Variants in PDSS2 observed in about 807,000 individuals in gnomAD.
The protein encoded by PDSS2 is decaprenyl diphosphate synthase subunit 2, also known as all trans-polyprenyl-diphosphate synthase PDSS2.
Under a neutral mutation model 44.5 loss-of-function variants are expected in PDSS2, and 31 were observed. That is an observed-to-expected ratio of 0.70 (90% CI 0.52 to 0.94). The LOEUF (loss-of-function observed/expected upper bound fraction) is 0.94. Among genes scored for constraint, PDSS2 ranks in the 40% least tolerant of loss-of-function variants. The pLI is 0.00. For missense variants in PDSS2, 452 were observed against 482.2 expected (o/e 0.94, Z 0.59); for synonymous variants, 157 against 180.3 (o/e 0.87, Z 1.03).
chr6:107,291,978 C>A (rs1305182823), intron 2 of PDSS2, among the ~76,000 whole-genome samples: 1 of 152,158 alleles, frequency 6.6e-6, no homozygotes, highest in African/African-American at 2.4e-5. Context: ...CAGCTCTGAG[C>A]ACACACACTA....
chr6:107,385,739 C>CT (rs908648723), intron 1 of PDSS2, among the ~76,000 whole-genome samples: 51 of 146,012 alleles, frequency 3.5e-4, no homozygotes, highest in South Asian at 1.1e-3. Context: ...TTTTCTCTCT[C>CT]TTTTTTTTTT....
intron 1 of PDSS2, among the ~76,000 whole-genome samples, chr6:107,448,888 G>A (rs1429588061): frequency 2.0e-5 from 3 of 152,198 alleles, no homozygotes; most frequent in African/African-American, 7.2e-5. Flanking sequence ...GGAAATGTGA[G>A]ATGCTTATAA....
At chr6:107,199,536 C>A (rs926139358) in intron 6 of PDSS2, among the ~76,000 whole-genome samples, 1 of 152,192 alleles carries the variant, frequency 6.6e-6, no homozygotes, top group Admixed American at 6.5e-5. Flanking sequence ...CTGGATGCAA[C>A]TGATCCTCCT....
chr6:107,237,282 T>C (rs1774256219), intron 4 of PDSS2, among the ~76,000 whole-genome samples: 1 of 151,922 alleles, frequency 6.6e-6, no homozygotes, highest in South Asian at 2.1e-4. Context: ...TTGCTTTTGT[T>C]GTCCAGACTG....
At chr6:107,237,897 G>GAAAAAAAAAAAA (rs71551306) in intron 4 of PDSS2, among the ~76,000 whole-genome samples, 1 of 80,688 alleles carries the variant, frequency 1.2e-5, no homozygotes, top group Non-Finnish European at 2.5e-5. Context: ...CTCCGTCTCT[G>GAAAAAAAAAAAA]AAAAAAAAAA....
At chr6:107,179,140 G>A (rs1189199941) in intron 7 of PDSS2, among the ~76,000 whole-genome samples, 1 of 152,176 alleles carries the variant, frequency 6.6e-6, no homozygotes, top group Non-Finnish European at 1.5e-5. Context: ...ACAAATCTTA[G>A]GAATCAATTA....
At chr6:107,262,130 G>A (rs539303656) in intron 3 of PDSS2, among the ~76,000 whole-genome samples, 7 of 150,338 alleles carry the variant, frequency 4.7e-5, no homozygotes, top group Non-Finnish European at 8.9e-5. Flanking sequence ...GGATGGCCTC[G>A]ATCTCCTGAC....
chr6:107,185,976 T>G (rs1407588552), intron 7 of PDSS2, among the ~76,000 whole-genome samples: 2 of 152,216 alleles, frequency 1.3e-5, no homozygotes, highest in East Asian at 3.8e-4. Flanking sequence ...TTACATTCCA[T>G]CTAATACAAC....
chr6:107,321,239 G>A (rs1777372466), intron 2 of PDSS2, among the ~76,000 whole-genome samples: 1 of 152,186 alleles, frequency 6.6e-6, no homozygotes, highest in Non-Finnish European at 1.5e-5. Context: ...AAATCTAGCA[G>A]AGGGACAAGA....
At position 107,238,476 on chromosome 6, in the gene PDSS2, G is replaced by A. The variant is rs762421759; in HGVS notation, c.702+7072C>T. Among the ~76,000 whole-genome samples the A allele has an allele frequency of 4.5e-4, 68 of 152,196 alleles. 1 individual carries two copies. The highest frequency in any genetic ancestry group is 7.9e-4 in the Admixed American group (12 of 15,266). On this transcript the variant is annotated intron_variant, in intron 4 of 7. Transcript: ENST00000369037. ...GGGTGAAGTCTGGAAGAAACCAGGT[G>A]TAAACTTCTAAGAATCCCCTCTCAG...
At chr6:107,376,411 ATTTG>A (rs949458739) in intron 1 of PDSS2, among the ~76,000 whole-genome samples, 1 of 152,036 alleles carries the variant, frequency 6.6e-6, no homozygotes, top group African/African-American at 2.4e-5. Flanking sequence ...ATGTTCTTCC[ATTTG>A]TTTGTATCCT....
At position 107,410,190 on chromosome 6, in the gene PDSS2, A is replaced by G. The variant is rs181307923; in HGVS notation, c.296+48800T>C. 1.4e-3 allele frequency among the ~76,000 whole-genome samples: 210 copies of G among 152,332 alleles called. 3 individuals carry two copies. Among genetic ancestry groups the G allele is most frequent in the African/African-American group, 4.8e-3 (198 of 41,586 alleles). On this transcript the variant is annotated intron_variant, in intron 1 of 7. Coordinates refer to ENST00000369037, the MANE Select transcript of PDSS2 (RefSeq NM_020381.4). ...AAGAGCAATAGAAAATGCTGAAGTT[A>G]GAAAAAGGGGAAGAGAATTATCAGA...
intron 7 of PDSS2, among the ~76,000 whole-genome samples, chr6:107,156,440 C>T (rs1326395111): frequency 6.6e-6 from 1 of 151,754 alleles, no homozygotes; most frequent in Non-Finnish European, 1.5e-5. Context: ...GTGATCCGCC[C>T]ACCTCGGCCT....
At chr6:107,370,725 CAAGAAT>C (rs1779104072) in intron 1 of PDSS2, among the ~76,000 whole-genome samples, 3 of 152,280 alleles carry the variant, frequency 2.0e-5, no homozygotes, top group Admixed American at 6.5e-5. Flanking sequence ...CATAACAACT[CAAGAAT>C]AATTTATTTT....
intron 2 of PDSS2, among the ~76,000 whole-genome samples, chr6:107,288,137 C>T (rs376862853): frequency 6.6e-6 from 1 of 152,210 alleles, no homozygotes. Flanking sequence ...GCATGAGCCA[C>T]AACATGTCCG....
chr6:107,436,589 T>C (rs1421976144), intron 1 of PDSS2, among the ~76,000 whole-genome samples: 2 of 152,190 alleles, frequency 1.3e-5, no homozygotes, highest in Non-Finnish European at 2.9e-5. Context: ...ATACTTCTTA[T>C]GTAACTAAAA....
intron 4 of PDSS2, among the ~76,000 whole-genome samples, chr6:107,230,535 C>CTTTGTCTTTGGATATT (rs1774008059): frequency 6.6e-6 from 1 of 152,158 alleles, no homozygotes; most frequent in Non-Finnish European, 1.5e-5. Context: ...CATTTATTAT[C>CTTTGTCTTTGGATATT]ACTCACTGTC....
intron 1 of PDSS2, among the ~76,000 whole-genome samples, chr6:107,354,674 C>CTG (rs1235147941): frequency 6.6e-6 from 1 of 152,194 alleles, no homozygotes; most frequent in Non-Finnish European, 1.5e-5. Context: ...GTACAGTAGG[C>CTG]TGGGGCTCCC....
At chr6:107,429,405 C>T (rs895387893) in intron 1 of PDSS2, among the ~76,000 whole-genome samples, 4 of 152,146 alleles carry the variant, frequency 2.6e-5, no homozygotes, top group African/African-American at 9.7e-5. Context: ...AACTCCCATA[C>T]AGTGAGATTT....
Sources: allele counts gnomAD v4.1 joint callset (sites outside exome capture counted in the v4.1 genomes callset), GRCh38; gene constraint gnomAD v4.1.1; transcripts MANE v1.5; gene names NCBI Gene and HGNC (gene_info 2026-07-23, HGNC 2026-07-21).